Variants in UROS observed in about 807,000 individuals in gnomAD.
The protein encoded by UROS is uroporphyrinogen-III synthase.
In UROS, 18 loss-of-function variants were observed where a neutral mutation model predicts 33.0. The ratio of observed to expected loss-of-function variants is 0.55; its 90% CI spans 0.38 to 0.81. The LOEUF (loss-of-function observed/expected upper bound fraction) is 0.81, where lower values mean the gene tolerates loss of function less well. Ranked by LOEUF, UROS falls within the 30% of genes least tolerant of loss-of-function variation. The probability of loss-of-function intolerance (pLI) is 0.00; values close to 1 mark genes in which losing one functional copy is unlikely to be tolerated. For synonymous variants in UROS, 114 were observed against 121.1 expected (o/e 0.94, Z 0.38); for missense variants, 293 against 314.9 (o/e 0.93, Z 0.53).
At chr10:125,789,789 G>A (rs1218836876) in intron 9 of UROS, among the ~76,000 whole-genome samples, 1 of 152,198 alleles carries the variant, frequency 6.6e-6, no homozygotes, top group Non-Finnish European at 1.5e-5. Flanking sequence ...TTCTGTCCCG[G>A]CTCTGCCCCC....
intron 6 of UROS, 129 bp downstream of exon 6, chr10:125,807,284 G>C: frequency 1.2e-6 from 1 of 818,186 alleles, no homozygotes; most frequent in Non-Finnish European, 2.0e-6. Context: ...CCCAGAGTGG[G>C]TTATACGATG....
rs879522918 is a variant in UROS at position 125,788,667 on chromosome 10, TC to T, written c.*200del. 4.9e-6 allele frequency: 7 copies of T among 1,427,488 alleles called. No individual in the cohort carries two copies. The highest frequency in any genetic ancestry group is 6.4e-6 in the Non-Finnish European group (7 of 1,095,044). The allele number at this position is 1,427,488 out of a possible 1,614,324, so 88.4% of individuals were successfully genotyped here. A position where few individuals can be genotyped will look rare whatever the true frequency, so the allele number is the denominator to read the frequency against. ...CACAGGGCTAGGGTTTAAGCTGGCT[TC>T]CACAGAGGGCAGTCACGTGCACGTG... On this transcript the variant is annotated 3_prime_UTR_variant, in exon 10 of 10. Transcript: ENST00000368797.
intron 1 of UROS, among the ~76,000 whole-genome samples, chr10:125,820,404 C>A (rs929460117): frequency 1.3e-5 from 2 of 152,214 alleles, no homozygotes; most frequent in Non-Finnish European, 2.9e-5. Flanking sequence ...AGGACACATT[C>A]TTCCTTCTTT....
At chr10:125,807,066 G>A in intron 6 of UROS, 1 of 305,624 alleles carries the variant, frequency 3.3e-6, no homozygotes, top group South Asian at 3.5e-5. Flanking sequence ...AGAAGGGAAA[G>A]GACAGTCCTC....
At chr10:125,816,669 T>C in intron 1 of UROS, 144 bp from the exon 2 acceptor site, 2 of 765,826 alleles carry the variant, frequency 2.6e-6, no homozygotes, top group East Asian at 2.7e-5. Flanking sequence ...TTAGCACTAA[T>C]GGGCTTGTTC....
intron 8 of UROS, among the ~76,000 whole-genome samples, 191 bp downstream of exon 8, chr10:125,795,909 AAAC>A (rs1851310136): frequency 6.6e-6 from 1 of 152,230 alleles, no homozygotes; most frequent in Non-Finnish European, 1.5e-5. Flanking sequence ...ACATTTCATG[AAAC>A]AACCACAAAA....
At chr10:125,803,050 T>C in intron 6 of UROS, 1 of 1,612,854 alleles carries the variant, frequency 6.2e-7, no homozygotes, top group African/African-American at 1.3e-5. Flanking sequence ...TGAGCATATT[T>C]TGGACTTGGA....
At chr10:125,822,725 T>C (rs1206414795) in intron 1 of UROS, among the ~76,000 whole-genome samples, 3 of 152,300 alleles carry the variant, frequency 2.0e-5, no homozygotes, top group East Asian at 1.9e-4. Context: ...CCCTAAGTGC[T>C]GGGATTACAG....
rs1853343887 is a variant in UROS at position 125,816,557 on chromosome 10, A to G, written c.-26-32T>C. The G allele has an allele frequency of 2.1e-5, 34 of 1,607,254 alleles. No homozygotes were observed. The South Asian group carries it at 3.4e-4, about 16-fold the overall frequency. On this transcript the variant is annotated intron_variant, in intron 1 of 9. Transcript: ENST00000368797. ...CAGAGCAAGGAAACAGATCTTAATTAGATCTCAAAGACTCTTCCTAAGCAA... is the reference window on the plus strand; with the variant it reads ...CAGAGCAAGGAAACAGATCTTAATTGGATCTCAAAGACTCTTCCTAAGCAA...
rs1422004665 is a variant in UROS, at chr10:125,797,919, T to C, written c.475+146A>G. On this transcript the variant is annotated intron_variant, in intron 7 of 9. Transcript: ENST00000368797. ...TGCACGTCCACTCTTCCCATGAGCA[T>C]GGTCTCTGTGTCTCCTGGCCTGGCT... 4 of 862,988 alleles carry C rather than the reference T, an allele frequency of 4.6e-6. No homozygotes were observed. In the African/African-American group the frequency reaches 6.7e-5, roughly 14 times the overall value. The allele number at this position is 862,988 out of a possible 1,614,324, so 53.5% of individuals were successfully genotyped here. A position where few individuals can be genotyped will look rare whatever the true frequency, so the allele number is the denominator to read the frequency against.
At chr10:125,804,530 A>G (rs1852147114) in intron 6 of UROS, among the ~76,000 whole-genome samples, 1 of 152,224 alleles carries the variant, frequency 6.6e-6, no homozygotes, top group Admixed American at 6.5e-5. Flanking sequence ...CCTGACTTGT[A>G]GCCAACTTGG....
At chr10:125,800,318 A>G (rs181350357) in intron 6 of UROS, among the ~76,000 whole-genome samples, 29 of 152,292 alleles carry the variant, frequency 1.9e-4, no homozygotes, top group African/African-American at 7.0e-4. Flanking sequence ...CCCTTTCCCA[A>G]TTGATTCTTT....
In UROS at chr10:125,788,714, T is replaced by G. The variant is rs1850707392; in HGVS notation, c.*154A>C. The stretch of plus-strand genomic sequence containing the variant: ...ACGTGGGCCTGAGGCCAGCCCCAGG[T>G]CAGGTCCCGATCCCCGGTCCTCAGG... On this transcript the variant is annotated 3_prime_UTR_variant, in exon 10 of 10. Transcript: ENST00000368797. 1 of 1,437,958 alleles carries G rather than the reference T, an allele frequency of 7.0e-7. No homozygotes were observed. The highest frequency in any genetic ancestry group is 2.8e-5 in the Admixed American group (1 of 36,066). The allele number at this position is 1,437,958 out of a possible 1,614,324, so 89.1% of individuals were successfully genotyped here.
chr10:125,813,727 C>T, intron 4 of UROS, among the ~76,000 whole-genome samples: 1 of 152,214 alleles, frequency 6.6e-6, no homozygotes, highest in Admixed American at 6.5e-5. Context: ...GATCTGCCCA[C>T]CTTGGCCTCC....
intron 1 of UROS, 189 bp from the exon 2 acceptor site, chr10:125,816,714 A>G (rs1590009238): frequency 3.2e-6 from 2 of 622,940 alleles, no homozygotes; most frequent in East Asian, 5.5e-5. Context: ...AAGGCCAAGA[A>G]AGAGCATGTT....
chr10:125,803,122 T>TA, intron 6 of UROS: 1 of 1,562,376 alleles, frequency 6.4e-7, no homozygotes. Flanking sequence ...AGTCAGCCAG[T>TA]CCTAGGCTTG....
chr10:125,789,995 G>T (rs749560024), intron 9 of UROS, among the ~76,000 whole-genome samples: 10 of 152,238 alleles, frequency 6.6e-5, no homozygotes, highest in Non-Finnish European at 1.0e-4. Flanking sequence ...GGCAGCCCCT[G>T]CCCAGCACTC....
chr10:125,786,968 A>T (rs1325818246), downstream of UROS, among the ~76,000 whole-genome samples: 5 of 152,210 alleles, frequency 3.3e-5, no homozygotes, highest in Non-Finnish European at 7.3e-5. Flanking sequence ...GACTCACGCA[A>T]TCGTCGAGGA....
intron 5 of UROS, 118 bp downstream of exon 5, chr10:125,812,096 T>C: frequency 1.1e-6 from 1 of 924,376 alleles, no homozygotes; most frequent in Non-Finnish European, 1.7e-6. Flanking sequence ...GTATACTTAA[T>C]TAATTTTTGC....
Sources: allele counts gnomAD v4.1 joint callset (sites outside exome capture counted in the v4.1 genomes callset), GRCh38; gene constraint gnomAD v4.1.1; transcripts MANE v1.5; gene names NCBI Gene and HGNC (gene_info 2026-07-23, HGNC 2026-07-21).